Variants in DIP2A observed in about 807,000 individuals in gnomAD.
DIP2A encodes the protein DIP2 acetate--CoA ligase A, also known as disco-interacting protein 2 homolog A.
Under a neutral mutation model 177.4 loss-of-function variants are expected in DIP2A, and 85 were observed. That is an observed-to-expected ratio of 0.48 (90% CI 0.40 to 0.57). The LOEUF (loss-of-function observed/expected upper bound fraction) is 0.57. Ranked by LOEUF, DIP2A falls within the 20% of genes least tolerant of loss-of-function variation. DIP2A has a pLI of 0.00. For synonymous variants in DIP2A, 886 were observed against 881.8 expected, an observed-to-expected ratio of 1.00 and a Z score of -0.08; for missense variants, 1,791 against 2,100.2, an observed-to-expected ratio of 0.85 and a Z score of 2.88.
rs2060284529 is a variant in DIP2A, at chr21:46,551,854, C to T, written c.2980C>T (p.Arg994Cys). Residue 994 changes from arginine to cysteine, a missense_variant, in exon 25 of 38, where the codon CGT (arginine) becomes TGT (cysteine). By Grantham distance (180) the Arg-to-Cys change is radical (BLOSUM62 -3). Coordinates refer to ENST00000417564, the MANE Select transcript of DIP2A (RefSeq NM_015151.4). ...GTTCCTGGCTGACGTGCTGCAGTGG[C>T]GTGCCCACACCACTCCTGACCACCC... is the stretch of plus-strand genomic sequence containing the variant. ...FLFLADVLQWRAHTTPDHPLF... is the reference protein window; with the variant it reads ...FLFLADVLQWCAHTTPDHPLF... 5 of 1,611,874 alleles carry T rather than the reference C, an allele frequency of 3.1e-6. No homozygotes were observed. The highest frequency in any genetic ancestry group is 4.2e-6 in the Non-Finnish European group (5 of 1,179,056).
At chr21:46,524,532 A>G (rs1274689636) in intron 8 of DIP2A, among the ~76,000 whole-genome samples, 1 of 152,172 alleles carries the variant, frequency 6.6e-6, no homozygotes, top group Non-Finnish European at 1.5e-5. Flanking sequence ...CACCGGGAAG[A>G]TGTTCCCAGA....
chr21:46,563,977 C>T lies in DIP2A; in HGVS notation c.4164+45C>T, dbSNP rs772618245. ...AGGGGCTTGAGCTCTCCAGCCTCACCAGCTTCACCTTCCTTCCCTTTTTGC... is the reference window on the plus strand; with the variant it reads ...AGGGGCTTGAGCTCTCCAGCCTCACTAGCTTCACCTTCCTTCCCTTTTTGC... On this transcript the variant is annotated intron_variant, in intron 35 of 37. Transcript: ENST00000417564. The surrounding 1 kb of genome is among the most constrained non-coding windows in gnomAD (Gnocchi z 4.3). 6.3e-7 allele frequency: 1 copy of T among 1,577,646 alleles called. No individual in the cohort carries two copies. The highest frequency in any genetic ancestry group is 1.1e-5 in the South Asian group (1 of 87,730).
At chr21:46,553,253 G>C (rs1015324594) in intron 25 of DIP2A, 3 of 152,358 alleles carry the variant, frequency 2.0e-5, no homozygotes, top group Middle Eastern at 3.4e-3. Flanking sequence ...ACATAAGTGC[G>C]TCCACTGGTC....
chr21:46,533,008 T>C (rs547440562), intron 10 of DIP2A, among the ~76,000 whole-genome samples: 58 of 152,352 alleles, frequency 3.8e-4, no homozygotes, highest in African/African-American at 1.4e-3. Flanking sequence ...GGTATTTGAA[T>C]GCAGTGGTTC....
At chr21:46,471,750 C>G (rs562972074) in intron 1 of DIP2A, among the ~76,000 whole-genome samples, 22 of 152,316 alleles carry the variant, frequency 1.4e-4, no homozygotes, top group African/African-American at 5.3e-4. Context: ...GGCCTCTGTT[C>G]TTAGGATTTC....
intron 2 of DIP2A, among the ~76,000 whole-genome samples, chr21:46,489,597 G>A (rs974276863): frequency 3.3e-5 from 5 of 152,202 alleles, no homozygotes; most frequent in East Asian, 3.8e-4. Context: ...GCCACACTGC[G>A]CTTGTTGGGG....
In DIP2A at chr21:46,554,285, C is replaced by T; in HGVS notation, c.3147C>T (p.Tyr1049=). 6.2e-7 allele frequency: 1 copy of T among 1,613,780 alleles called. No individual in the cohort carries two copies. Residue 1049 remains tyrosine, a synonymous_variant, in exon 26 of 38, where the codon TAC becomes TAT. Transcript: ENST00000417564. ...TTGGGGACCATGTGGCTCTGGTCTA[C>T]CCACCAGGTGGGCTCACTGTGGGGC... The part of the protein sequence containing the change: ...LSVGDHVALV[Y]PPGVDLIAAF...
chr21:46,554,937 C>T lies in DIP2A; in HGVS notation c.3388+4C>T, dbSNP rs1016888606. 6 of 1,550,658 alleles carry T rather than the reference C, an allele frequency of 3.9e-6. No individual in the cohort carries two copies. The highest frequency in any genetic ancestry group is 4.4e-6 in the Non-Finnish European group (5 of 1,146,982). ...TGGCCCACCATCCTAGACACAGGTG[C>T]GTGTCCTCGCACTGCCCAGGACCAG... On this transcript the variant is annotated splice_donor_region_variant and intron_variant, in intron 28 of 37. Coordinates refer to ENST00000417564, the MANE Select transcript of DIP2A (RefSeq NM_015151.4).
At chr21:46,511,967 A>G (rs1052623634) in intron 8 of DIP2A, among the ~76,000 whole-genome samples, 3 of 152,066 alleles carry the variant, frequency 2.0e-5, no homozygotes, top group South Asian at 2.1e-4. Context: ...TGTAACACAA[A>G]TAGTAAGCAT....
chr21:46,558,549 G>A (rs2060555094), intron 32 of DIP2A, 156 bp downstream of exon 32: 1 of 751,896 alleles, frequency 1.3e-6, no homozygotes, highest in South Asian at 1.8e-5. Context: ...TTAGCTTCAA[G>A]GGTTTTATTT....
rs565228941 is a variant in DIP2A, at chr21:46,565,760, C to T, written c.4212C>T (p.Tyr1404=). Residue 1404 remains tyrosine, a synonymous_variant, in exon 36 of 38, where the codon TAC becomes TAT. Transcript: ENST00000417564. ...PHNATGYYTV[Y]GEEALHADHF... ...ATGCCACCGGGTACTACACCGTTTA[C>T]GGGGAGGAGGCGCTTCATGCCGACC... The T allele has an allele frequency of 9.1e-5, 147 of 1,613,966 alleles. 1 individual carries two copies. Among genetic ancestry groups the T allele is most frequent in the Non-Finnish European group, 1.0e-4 (123 of 1,179,876 alleles).
intron 35 of DIP2A, among the ~76,000 whole-genome samples, chr21:46,564,795 T>TA (rs917663004): frequency 6.6e-6 from 1 of 152,198 alleles, no homozygotes; most frequent in Non-Finnish European, 1.5e-5. Context: ...CAGGTGGTCT[T>TA]ACCGTGTCCT....
At chr21:46,534,178 A>G (rs373161616) in intron 12 of DIP2A, 65 bp downstream of exon 12, 14 of 1,311,128 alleles carry the variant, frequency 1.1e-5, no homozygotes, top group African/African-American at 8.7e-5. Flanking sequence ...CTTGCTTTTC[A>G]TAAGAATGTA....
At chr21:46,460,272 CATTTCCCATTTGG>C (rs1250182434) in intron 1 of DIP2A, among the ~76,000 whole-genome samples, 1 of 151,998 alleles carries the variant, frequency 6.6e-6, no homozygotes, top group Non-Finnish European at 1.5e-5. Context: ...TGGTGGGTGG[CATTTCCCATTTGG>C]ATGTTATCCC....
At chr21:46,502,210 A>C (rs911695817) in intron 5 of DIP2A, among the ~76,000 whole-genome samples, 1 of 151,980 alleles carries the variant, frequency 6.6e-6, no homozygotes, top group African/African-American at 2.4e-5. Context: ...GTCCTAGCTC[A>C]CTGTAACCTG....
At chr21:46,560,561 G>GGGACCTTGAACCCCTAGGC (rs1412525679) in intron 32 of DIP2A, among the ~76,000 whole-genome samples, 161 bp from the exon 33 acceptor site, 38 of 152,346 alleles carry the variant, frequency 2.5e-4, no homozygotes, top group African/African-American at 8.9e-4. Context: ...GACTGCCTGG[G>GGGACCTTGAACCCCTAGGC]GGACCTTGAA....
rs1333214214 is a variant in DIP2A at position 46,569,342 on chromosome 21, T to C, written c.*1720T>C. The C allele has an allele frequency of 6.6e-6, 1 of 152,222 alleles. No homozygotes were observed. The highest frequency in any genetic ancestry group is 1.5e-5 in the Non-Finnish European group (1 of 68,040). 9.4% of individuals were successfully genotyped at this position (152,222 alleles called of 1,614,324 possible). A position where few individuals can be genotyped will look rare whatever the true frequency, so the allele number is the denominator to read the frequency against. Reference sequence around the variant, plus strand: ...GTTTCCCCATGGTGTTGGACTGTGGTAAAGTATGTTGTGACATACTGGAAT... The same window carrying C: ...GTTTCCCCATGGTGTTGGACTGTGGCAAAGTATGTTGTGACATACTGGAAT... On this transcript the variant is annotated 3_prime_UTR_variant, in exon 38 of 38. Coordinates refer to ENST00000417564, the MANE Select transcript of DIP2A (RefSeq NM_015151.4).
Position 46,471,311 on chromosome 21 carries a change from A to G in DIP2A, c.91+12089A>G, listed in dbSNP as rs544733277. On this transcript the variant is annotated intron_variant, in intron 1 of 37. Coordinates refer to ENST00000417564, the MANE Select transcript of DIP2A (RefSeq NM_015151.4). ...CTCCCAAAGTCCTGGGTTTACAGGC[A>G]TGAGCCACTGTGCCTGGCCTTATTT... is the stretch of plus-strand genomic sequence containing the variant. 1.2e-4 allele frequency among the ~76,000 whole-genome samples: 18 copies of G among 152,300 alleles called. No homozygotes were observed. The East Asian group carries it at 2.3e-3, about 20-fold the overall frequency.
At chr21:46,460,939 C>G (rs2054242886) in intron 1 of DIP2A, among the ~76,000 whole-genome samples, 1 of 152,048 alleles carries the variant, frequency 6.6e-6, no homozygotes, top group Non-Finnish European at 1.5e-5. Flanking sequence ...GGTGGTCCGC[C>G]TGCCTCGGCC....
Sources: gnomAD v4.1 joint callset for allele counts (sites outside exome capture counted in the v4.1 genomes callset) on GRCh38, gnomAD v4.1.1 for gene constraint, Gnocchi (gnomAD v3.1) non-coding constraint, MANE v1.5 for transcripts, NCBI Gene and HGNC (gene_info 2026-07-23, HGNC 2026-07-21) for gene names.